PRMT8: variants seen among roughly 807,000 people sequenced by gnomAD.
PRMT8 encodes the protein protein arginine methyltransferase 8.
PRMT8 carries 7 observed loss-of-function variants against 47.1 expected under a neutral mutation model. The observed-to-expected ratio is 0.15, with a 90% CI of 0.08 to 0.28. The LOEUF (loss-of-function observed/expected upper bound fraction) is 0.28. Ranked by LOEUF, PRMT8 falls within the 10% of genes least tolerant of loss-of-function variation. The probability of loss-of-function intolerance (pLI) is 1.00; values close to 1 mark genes in which losing one functional copy is unlikely to be tolerated. For synonymous variants in PRMT8, 188 were observed against 186.5 expected (o/e 1.01, Z -0.07); for missense variants, 237 against 505.4 (o/e 0.47, Z 5.09).
At chr12:3,426,430 C>A (rs532913573) in intron 1 of PRMT8, among the ~76,000 whole-genome samples, 3 of 152,184 alleles carry the variant, frequency 2.0e-5, no homozygotes, top group Non-Finnish European at 4.4e-5. Flanking sequence ...CCAACTATGG[C>A]ATAAAAGCTC....
chr12:3,454,720 T>C (rs989521924), intron 1 of PRMT8, among the ~76,000 whole-genome samples: 3 of 152,176 alleles, frequency 2.0e-5, no homozygotes, highest in African/African-American at 4.8e-5. Context: ...TGCAGCGCAC[T>C]TCGTGTTCAC....
chr12:3,449,055 AAGGACATT>A (rs1170214948), intron 1 of PRMT8, among the ~76,000 whole-genome samples: 3 of 152,314 alleles, frequency 2.0e-5, no homozygotes, highest in Non-Finnish European at 2.9e-5. Context: ...TGTCCCTGCA[AAGGACATT>A]ATCTCATTCC....
At chr12:3,404,300 C>T (rs866426660) in intron 1 of PRMT8, among the ~76,000 whole-genome samples, 1 of 152,080 alleles carries the variant, frequency 6.6e-6, no homozygotes, top group South Asian at 2.1e-4. Context: ...GTGCTGTTTT[C>T]ATTCAACAAA....
intron 1 of PRMT8, among the ~76,000 whole-genome samples, chr12:3,381,926 A>C (rs115777543): frequency 1.3e-5 from 2 of 152,136 alleles, no homozygotes; most frequent in East Asian, 3.9e-4. Context: ...TTCATTCTCT[A>C]TTTCTGTAAT....
Position 3,580,386 on chromosome 12 carries a change from TAGA to T in PRMT8, c.829-2669_829-2667del, listed in dbSNP as rs1385248672. ...TGTGTGTACGCGTGCGCATGCGGGA[TAGA>T]AGGAGAAAGTAACCACGTCTAGATT... is the stretch of plus-strand genomic sequence containing the variant. On this transcript the variant is annotated intron_variant, in intron 7 of 9. Coordinates refer to ENST00000382622, the MANE Select transcript of PRMT8 (RefSeq NM_019854.5). The surrounding 1 kb of genome is among the most constrained non-coding windows in gnomAD (Gnocchi z 4.6). 1.4e-5 allele frequency among the ~76,000 whole-genome samples: 2 copies of T among 147,706 alleles called. No homozygotes were observed. The highest frequency in any genetic ancestry group is 5.0e-5 in the African/African-American group (2 of 39,742).
intron 1 of PRMT8, among the ~76,000 whole-genome samples, chr12:3,431,019 G>T (rs1259945514): frequency 6.6e-6 from 1 of 152,218 alleles, no homozygotes; most frequent in African/African-American, 2.4e-5. Context: ...CTGGAGAGAT[G>T]AGAGGAGTTA....
At chr12:3,483,557 G>A (rs1298823233) in intron 1 of PRMT8, among the ~76,000 whole-genome samples, 1 of 152,122 alleles carries the variant, frequency 6.6e-6, no homozygotes, top group African/African-American at 2.4e-5. Flanking sequence ...TTCTCCATAG[G>A]TGAATAAGCC....
chr12:3,565,964 G>A (rs575129976), intron 4 of PRMT8, among the ~76,000 whole-genome samples: 39 of 152,240 alleles, frequency 2.6e-4, no homozygotes, highest in South Asian at 1.0e-3. Flanking sequence ...ATGAGGCCCC[G>A]GAGGCAGGAG....
At chr12:3,475,329 T>C (rs1015632896) in intron 1 of PRMT8, among the ~76,000 whole-genome samples, 1 of 152,192 alleles carries the variant, frequency 6.6e-6, no homozygotes, top group Middle Eastern at 3.2e-3. Context: ...TTTCTTATTC[T>C]GGCTAGCTGA....
intron 1 of PRMT8, among the ~76,000 whole-genome samples, chr12:3,402,455 C>G (rs1314436709): frequency 6.6e-6 from 1 of 152,086 alleles, no homozygotes; most frequent in Non-Finnish European, 1.5e-5. Flanking sequence ...GCAATTGCAA[C>G]AAAAGCAAAA....
chr12:3,431,821 T>C (rs1038326975), intron 1 of PRMT8, among the ~76,000 whole-genome samples: 5 of 152,074 alleles, frequency 3.3e-5, no homozygotes, highest in African/African-American at 1.2e-4. Context: ...AAGCTTGTCT[T>C]GAAAGAGAAG....
chr12:3,477,120 G>T (rs114083598), intron 1 of PRMT8, among the ~76,000 whole-genome samples: 1 of 152,160 alleles, frequency 6.6e-6, no homozygotes, highest in Non-Finnish European at 1.5e-5. Context: ...ACCAACTGAC[G>T]CTCTTGAAAC....
chr12:3,473,092 T>C (rs1250790957), intron 1 of PRMT8, among the ~76,000 whole-genome samples: 2 of 152,204 alleles, frequency 1.3e-5, no homozygotes, highest in Non-Finnish European at 2.9e-5. Context: ...CCTTTGTCCC[T>C]ATGAAACTGT....
intron 1 of PRMT8, among the ~76,000 whole-genome samples, chr12:3,476,481 G>A (rs1865216465): frequency 6.6e-6 from 1 of 152,136 alleles, no homozygotes; most frequent in Admixed American, 6.5e-5. Context: ...GTCTGCATCT[G>A]TCCAGAAGGC....
chr12:3,505,269 T>C (rs1364511012), intron 1 of PRMT8, among the ~76,000 whole-genome samples: 1 of 152,226 alleles, frequency 6.6e-6, no homozygotes, highest in Non-Finnish European at 1.5e-5. Flanking sequence ...TCACAGGTAC[T>C]GGGGGTTTAG....
intron 1 of PRMT8, among the ~76,000 whole-genome samples, chr12:3,386,605 C>G (rs184434320): frequency 6.6e-6 from 1 of 152,100 alleles, no homozygotes; most frequent in African/African-American, 2.4e-5. Context: ...GCTATTCGTT[C>G]GTTCAACAAT....
At chr12:3,442,232 A>C (rs984330505) in intron 1 of PRMT8, among the ~76,000 whole-genome samples, 2 of 152,374 alleles carry the variant, frequency 1.3e-5, no homozygotes, top group South Asian at 2.1e-4. Context: ...TTTGCAACTC[A>C]GAAAATCCAA....
intron 1 of PRMT8, among the ~76,000 whole-genome samples, chr12:3,505,691 A>G (rs953658938): frequency 1.3e-5 from 2 of 152,258 alleles, no homozygotes; most frequent in African/African-American, 4.8e-5. Flanking sequence ...GGAGCCAGTA[A>G]GTAGCAGAGC....
chr12:3,402,478 G>A (rs1387560409), intron 1 of PRMT8, among the ~76,000 whole-genome samples: 1 of 152,132 alleles, frequency 6.6e-6, no homozygotes, highest in Non-Finnish European at 1.5e-5. Flanking sequence ...TGACAAGTGG[G>A]ATCTAATTAA....
Sources: allele counts gnomAD v4.1 joint callset (sites outside exome capture counted in the v4.1 genomes callset), GRCh38; gene constraint gnomAD v4.1.1; non-coding constraint Gnocchi (gnomAD v3.1); transcripts MANE v1.5; gene names NCBI Gene and HGNC (gene_info 2026-07-23, HGNC 2026-07-21).